FAM169A: variants seen among roughly 807,000 people sequenced by gnomAD.
FAM169A encodes family with sequence similarity 169 member A, also known as soluble lamin-associated protein of 75 kDa.
Under a neutral mutation model 75.7 loss-of-function variants are expected in FAM169A, and 24 were observed. The ratio of observed to expected loss-of-function variants is 0.32; its 90% CI spans 0.23 to 0.45. FAM169A has a LOEUF of 0.45. FAM169A is among the 20% of genes least tolerant of loss of function. The pLI is 1.00. For missense variants in FAM169A, 673 were observed against 784.0 expected, an observed-to-expected ratio of 0.86 and a Z score of 1.69; for synonymous variants, 271 against 271.0, an observed-to-expected ratio of 1.00 and a Z score of 0.00.
At chr5:74,783,985 T>C (rs1363991889) in intron 11 of FAM169A, among the ~76,000 whole-genome samples, 1 of 152,086 alleles carries the variant, frequency 6.6e-6, no homozygotes. Flanking sequence ...GTAAAAAATT[T>C]ATTAAATTGT....
At chr5:74,860,098 G>A (rs1009076490) in intron 1 of FAM169A, among the ~76,000 whole-genome samples, 2 of 152,186 alleles carry the variant, frequency 1.3e-5, no homozygotes, top group Admixed American at 6.5e-5. Flanking sequence ...TGAGGAAACT[G>A]AGGCCAGGAG....
chr5:74,845,376 G>A (rs1477735227), intron 1 of FAM169A, among the ~76,000 whole-genome samples: 3 of 151,922 alleles, frequency 2.0e-5, no homozygotes, highest in Non-Finnish European at 4.4e-5. Flanking sequence ...AAATTAGCCG[G>A]GCGTGGTAGT....
Position 74,845,080 on chromosome 5 carries a change from A to C in FAM169A, c.-3-3401T>G, listed in dbSNP as rs188018714. 3.7e-3 allele frequency among the ~76,000 whole-genome samples: 561 copies of C among 152,334 alleles called. 1 individual carries two copies. The highest frequency in any genetic ancestry group is 5.6e-3 in the Non-Finnish European group (382 of 68,026). ...TCAGAAGGCAAGAAACTGAAAATCCAGAGAAACACCAAAAAAAGAGATAGG... is the reference window on the plus strand; with the variant it reads ...TCAGAAGGCAAGAAACTGAAAATCCCGAGAAACACCAAAAAAAGAGATAGG... On this transcript the variant is annotated intron_variant, in intron 1 of 12. Transcript: ENST00000687041.
chr5:74,778,984 A>C lies in FAM169A; in HGVS notation c.*2476T>G, dbSNP rs1745268174. On this transcript the variant is annotated 3_prime_UTR_variant, in exon 13 of 13. Transcript: ENST00000687041. ...AATTGTGGTATAAATTCTATACTCA[A>C]GTTACTGAACATGAGAGTTAGGTTT... 1 of 152,138 alleles carries C rather than the reference A, an allele frequency of 6.6e-6. No homozygotes were observed. The highest frequency in any genetic ancestry group is 2.4e-5 in the African/African-American group (1 of 41,458). The allele number at this position is 152,138 out of a possible 1,614,324, so 9.4% of individuals were successfully genotyped here. A position where few individuals can be genotyped will look rare whatever the true frequency, so the allele number is the denominator to read the frequency against.
At chr5:74,802,926 A>G (rs1746664131) in intron 8 of FAM169A, among the ~76,000 whole-genome samples, 2 of 152,160 alleles carry the variant, frequency 1.3e-5, no homozygotes, top group Non-Finnish European at 2.9e-5. Flanking sequence ...TAATAGGAAA[A>G]AGCAGGTAAC....
rs568132561 is a variant in FAM169A at position 74,832,672 on chromosome 5, T to C, written c.490+1754A>G. Among the ~76,000 whole-genome samples the C allele has an allele frequency of 1.8e-4, 27 of 150,086 alleles. No individual in the cohort carries two copies. The East Asian group carries it at 3.3e-3, about 18-fold the overall frequency. Reference sequence around the variant, plus strand: ...AATATAACATTTATTTATATATATATACACACACATATCAGAAATACTTCC... The same window carrying C: ...AATATAACATTTATTTATATATATACACACACACATATCAGAAATACTTCC... On this transcript the variant is annotated intron_variant, in intron 5 of 12. Coordinates refer to ENST00000687041, the MANE Select transcript of FAM169A (RefSeq NM_001376049.1).
At chr5:74,866,530 C>T, upstream of FAM169A, 7 of 576,348 alleles carry the variant, frequency 1.2e-5, no homozygotes, top group Non-Finnish European at 1.5e-5. Context: ...CAGGCGCCGG[C>T]CCGGCAGGTG....
chr5:74,789,581 T>C (rs1427886560), intron 11 of FAM169A, among the ~76,000 whole-genome samples: 1 of 152,224 alleles, frequency 6.6e-6, no homozygotes, highest in Admixed American at 6.5e-5. Context: ...CTGTGCAAGC[T>C]GCTCTGCCAC....
At chr5:74,843,844 G>A (rs1282514985) in intron 1 of FAM169A, among the ~76,000 whole-genome samples, 1 of 152,140 alleles carries the variant, frequency 6.6e-6, no homozygotes, top group Non-Finnish European at 1.5e-5. Context: ...TGAGCTTTCT[G>A]GTAGACTTAC....
chr5:74,799,288 G>A, intron 10 of FAM169A: 2 of 1,565,588 alleles, frequency 1.3e-6, no homozygotes, highest in South Asian at 2.2e-5. Context: ...TAATCGCACA[G>A]CTACTTTTGT....
chr5:74,839,404 G>A (rs1012609713), intron 3 of FAM169A, among the ~76,000 whole-genome samples: 26 of 152,000 alleles, frequency 1.7e-4, no homozygotes, highest in African/African-American at 4.8e-4. Context: ...CTTCACACAC[G>A]TGCGCACACA....
chr5:74,822,246 T>C (rs995969378), intron 5 of FAM169A, among the ~76,000 whole-genome samples: 6 of 152,314 alleles, frequency 3.9e-5, no homozygotes, highest in African/African-American at 1.4e-4. Context: ...GTCCTCTGTA[T>C]AGATGAGGAA....
chr5:74,809,035 C>G (rs1439639575), intron 6 of FAM169A, among the ~76,000 whole-genome samples: 1 of 151,944 alleles, frequency 6.6e-6, no homozygotes, highest in Non-Finnish European at 1.5e-5. Context: ...ACCAACACAA[C>G]AGGCCACAAA....
intron 3 of FAM169A, among the ~76,000 whole-genome samples, chr5:74,839,636 T>C (rs1270017131): frequency 2.0e-5 from 3 of 151,840 alleles, no homozygotes; most frequent in African/African-American, 4.8e-5. Flanking sequence ...GCGATTCTCC[T>C]GCCTCAACCT....
chr5:74,794,926 G>A (rs1746190014), intron 11 of FAM169A, among the ~76,000 whole-genome samples: 1 of 152,102 alleles, frequency 6.6e-6, no homozygotes, highest in African/African-American at 2.4e-5. Context: ...GTCATTTCAT[G>A]AAATAGAGGA....
At chr5:74,797,801 T>C (rs1008148657) in intron 10 of FAM169A, among the ~76,000 whole-genome samples, 2 of 151,284 alleles carry the variant, frequency 1.3e-5, no homozygotes, top group African/African-American at 4.9e-5. Flanking sequence ...ACCTTTCCTT[T>C]AGGCATCGTG....
At chr5:74,822,389 C>G (rs1238448034) in intron 5 of FAM169A, among the ~76,000 whole-genome samples, 1 of 152,198 alleles carries the variant, frequency 6.6e-6, no homozygotes, top group African/African-American at 2.4e-5. Context: ...CTGGGCAGCT[C>G]TGGCCAATGA....
Position 74,801,607 on chromosome 5 carries a change from A to G in FAM169A, c.935T>C (p.Phe312Ser). The change falls in exon 9 of 13, where the codon TTT becomes TCT. Residue 312 changes from phenylalanine (F) to serine (S), a missense_variant. Phe to Ser is a radical substitution (Grantham distance 155). Coordinates refer to ENST00000687041, the MANE Select transcript of FAM169A (RefSeq NM_001376049.1). ...TTTCTTACCTTCGGAAGTGCTTGCA[A>G]AGGCATCTTTTAGAGAATCAATCTA... The part of the protein sequence containing the change: ...QLTIDSLKDA[F>S]ASTSEGHDKT... The G allele has an allele frequency of 6.2e-7, 1 of 1,608,882 alleles. No individual in the cohort carries two copies. Among genetic ancestry groups the G allele is most frequent in the Non-Finnish European group, 8.5e-7 (1 of 1,178,258 alleles).
At chr5:74,787,804 G>A (rs1210842354) in intron 11 of FAM169A, among the ~76,000 whole-genome samples, 1 of 152,114 alleles carries the variant, frequency 6.6e-6, no homozygotes, top group Non-Finnish European at 1.5e-5. Context: ...GAATTGATAG[G>A]AAGCCTACTG....
Sources: gnomAD v4.1 joint callset for allele counts (sites outside exome capture counted in the v4.1 genomes callset) on GRCh38, gnomAD v4.1.1 for gene constraint, MANE v1.5 for transcripts, NCBI Gene and HGNC (gene_info 2026-07-23, HGNC 2026-07-21) for gene names.